APC: variants seen among roughly 807,000 people sequenced by gnomAD.
APC encodes adenomatous polyposis coli protein.
A neutral mutation model predicts 247.0 loss-of-function variants in APC; 72 were observed. That is an observed-to-expected ratio of 0.29 (90% confidence interval 0.24 to 0.35). The LOEUF (loss-of-function observed/expected upper bound fraction) is 0.35. Among genes scored for constraint, APC ranks in the 10% least tolerant of loss-of-function variants. The pLI is 1.00. For missense variants in APC, 3,400 were observed against 3,360.7 expected, an observed-to-expected ratio of 1.01 and a Z score of -0.29; for synonymous variants, 1,254 against 1,162.5, an observed-to-expected ratio of 1.08 and a Z score of -1.60.
At chr5:112,725,821 GT>G (rs1195721381) in intron 1 of APC, among the ~76,000 whole-genome samples, 1 of 152,176 alleles carries the variant, frequency 6.6e-6, no homozygotes, top group Non-Finnish European at 1.5e-5. Context: ...CAAGTATTTT[GT>G]TGAGAAAATC....
chr5:112,819,466 C>T, intron 10 of APC, 122 bp downstream of exon 10: 2 of 1,274,936 alleles, frequency 1.6e-6, no homozygotes, highest in Non-Finnish European at 2.2e-6. Context: ...TCATATCAGC[C>T]ATTTGTGCTA....
In APC at chr5:112,840,877, C is replaced by G. The variant is rs933729249; in HGVS notation, c.5283C>G (p.Asn1761Lys). Residue 1761 changes from asparagine (N) to lysine (K), a missense_variant, in exon 16 of 16, where the codon AAC (asparagine) becomes AAG (lysine). Around this residue, in one of 9 missense-constraint regions of APC, gnomAD observed 1,788 missense variants for 1,649.5 expected, o/e 1.08. Transcript: ENST00000257430. The surrounding 1 kb of genome is among the most constrained non-coding windows in gnomAD (Gnocchi z 4.1). ...CATCTGCGTCTTCTTCTGCACCCAA[C>G]AAAAATCAGTTAGATGGTAAGAAAA... is the stretch of plus-strand genomic sequence containing the variant. The part of the protein sequence containing the change: ...QQASASSSAP[N>K]KNQLDGKKKK... 2 of 1,613,800 alleles carry G rather than the reference C, an allele frequency of 1.2e-6. No individual in the cohort carries two copies. The highest frequency in any genetic ancestry group is 1.7e-6 in the Non-Finnish European group (2 of 1,179,836).
rs202221264 is a variant in APC, at chr5:112,774,947, AAG to A, written c.423-679_423-678del. 5.6e-3 allele frequency among the ~76,000 whole-genome samples: 846 copies of A among 152,322 alleles called. 4 individuals carry two copies. The highest frequency in any genetic ancestry group is 0.014 in the Middle Eastern group (4 of 294). Reference sequence around the variant, plus strand: ...AATTATAACAGTGGTAGCTCTGGCAAAGAGCCACGTGAAAAGAGATAAATTAT... The same window carrying A: ...AATTATAACAGTGGTAGCTCTGGCAAAGCCACGTGAAAAGAGATAAATTAT... On this transcript the variant is annotated intron_variant, in intron 4 of 15. Transcript: ENST00000257430.
At chr5:112,774,908 A>G (rs554626800) in intron 4 of APC, among the ~76,000 whole-genome samples, 183 of 152,364 alleles carry the variant, frequency 1.2e-3, no homozygotes, top group Non-Finnish European at 8.1e-4. Flanking sequence ...TAGCTCTAGA[A>G]GTATACCTAA....
At chr5:112,799,558 CTACT>C (rs1237517027) in intron 7 of APC, among the ~76,000 whole-genome samples, 2 of 152,092 alleles carry the variant, frequency 1.3e-5, no homozygotes, top group Admixed American at 6.6e-5. Flanking sequence ...TGTTTCCTCC[CTACT>C]TAGACCATTT....
intron 1 of APC, among the ~76,000 whole-genome samples, chr5:112,727,753 G>C (rs746595869): frequency 1.2e-4 from 18 of 151,760 alleles, no homozygotes; most frequent in Non-Finnish European, 1.8e-4. Flanking sequence ...TGCTGTTTTG[G>C]TAACCTTCAG....
intron 1 of APC, among the ~76,000 whole-genome samples, chr5:112,740,524 C>CTTTTTTTT (rs11286305): frequency 2.1e-4 from 21 of 99,132 alleles, no homozygotes; most frequent in Non-Finnish European, 2.9e-4. Flanking sequence ...GTTTTTTTTT[C>CTTTTTTTT]TTTTTTTTTT....
intron 5 of APC, 141 bp from the exon 6 acceptor site, chr5:112,780,649 G>A (rs1164092051): frequency 3.2e-6 from 2 of 626,516 alleles, no homozygotes; most frequent in Non-Finnish European, 5.8e-6. Flanking sequence ...ACACTCCTTG[G>A]AGTAAAAAAT....
chr5:112,811,419 C>T (rs1003503817), intron 8 of APC, among the ~76,000 whole-genome samples: 1 of 152,062 alleles, frequency 6.6e-6, no homozygotes, highest in Non-Finnish European at 1.5e-5. Context: ...GACTCTAGTC[C>T]CTCCGAAAGA....
chr5:112,741,902 C>T (rs894381619), intron 1 of APC, among the ~76,000 whole-genome samples: 1 of 152,054 alleles, frequency 6.6e-6, no homozygotes, highest in Admixed American at 6.5e-5. Context: ...TGGCTTATTT[C>T]ACTTAGCATA....
At chr5:112,748,309 T>TA (rs1753909198) in intron 1 of APC, among the ~76,000 whole-genome samples, 1 of 152,316 alleles carries the variant, frequency 6.6e-6, no homozygotes. Context: ...AAAGGGTTGT[T>TA]AAAGAGAAAA....
At chr5:112,722,061 C>G (rs977054861) in intron 1 of APC, among the ~76,000 whole-genome samples, 2 of 152,104 alleles carry the variant, frequency 1.3e-5, no homozygotes, top group African/African-American at 4.8e-5. Flanking sequence ...AAAAAGACCC[C>G]CCCATTGAGA....
chr5:112,740,785 C>A lies in APC; in HGVS notation c.-19+2860C>A, dbSNP rs886483726. Among the ~76,000 whole-genome samples the A allele has an allele frequency of 2.6e-5, 4 of 152,186 alleles. No individual in the cohort carries two copies. The East Asian group carries it at 5.8e-4, about 22-fold the overall frequency. ...AAATGATCCTCCCACCTCAGCCTCCCAAAGTGCTGGGATTTACAGGTGTGA... is the reference window on the plus strand; with the variant it reads ...AAATGATCCTCCCACCTCAGCCTCCAAAAGTGCTGGGATTTACAGGTGTGA... On this transcript the variant is annotated intron_variant, in intron 1 of 15. Transcript: ENST00000257430.
chr5:112,803,734 G>C (rs903194508), intron 8 of APC, among the ~76,000 whole-genome samples: 1 of 152,102 alleles, frequency 6.6e-6, no homozygotes, highest in African/African-American at 2.4e-5. Context: ...GACAGTCCTT[G>C]GCCTCATGGA....
In APC at chr5:112,844,100, G is replaced by A. The variant is rs1427281586; in HGVS notation, c.8506G>A (p.Gly2836Arg). Residue 2836 changes from glycine to arginine, a missense_variant, in exon 16 of 16, where the codon GGG (glycine) becomes AGG (arginine). By Grantham distance (125) the Gly-to-Arg change is moderately radical (BLOSUM62 -2). Coordinates refer to ENST00000257430, the MANE Select transcript of APC (RefSeq NM_000038.6). ...SGTQSPKRHS[G>R]SYLVTSV is the part of the protein sequence containing the mutation. ...AACCCAAAGTCCTAAGCGCCATTCT[G>A]GGTCTTACCTTGTGACATCTGTTTA... 1.2e-6 allele frequency: 2 copies of A among 1,612,494 alleles called. No individual in the cohort carries two copies. Among genetic ancestry groups the A allele is most frequent in the Admixed American group, 1.7e-5 (1 of 59,654 alleles).
At chr5:112,786,884 T>TCC (rs1341153608) in intron 6 of APC, among the ~76,000 whole-genome samples, 24 of 136,736 alleles carry the variant, frequency 1.8e-4, no homozygotes, top group Admixed American at 1.5e-3. Context: ...CTTTTTCTTT[T>TCC]TCTTTTTTTT....
chr5:112,729,595 G>A (rs1322231157), intron 1 of APC, among the ~76,000 whole-genome samples: 2 of 152,196 alleles, frequency 1.3e-5, no homozygotes, highest in Non-Finnish European at 2.9e-5. Flanking sequence ...GTAAACCAAG[G>A]TAAAGAATTT....
chr5:112,815,436 T>A, intron 8 of APC, 59 bp from the exon 9 acceptor site: 2 of 1,210,342 alleles, frequency 1.7e-6, no homozygotes. Flanking sequence ...CTTAACATGA[T>A]GTTATCTGTA....
intron 6 of APC, among the ~76,000 whole-genome samples, chr5:112,789,828 G>T (rs1759372630): frequency 6.6e-6 from 1 of 151,884 alleles, no homozygotes; most frequent in South Asian, 2.1e-4. Flanking sequence ...CTGTGAATTG[G>T]ACATGGTAAG....
Sources: allele counts gnomAD v4.1 joint callset (sites outside exome capture counted in the v4.1 genomes callset), GRCh38; gene constraint gnomAD v4.1.1; regional missense constraint gnomAD v4.1.1; non-coding constraint Gnocchi (gnomAD v3.1); transcripts MANE v1.5; gene names NCBI Gene and HGNC (gene_info 2026-07-23, HGNC 2026-07-21).